Variants in CHD7 observed in about 807,000 individuals in gnomAD.
The protein encoded by CHD7 is ATP-dependent chromatin remodeler CHD7.
Under a neutral mutation model 307.3 loss-of-function variants are expected in CHD7, and 24 were observed. That is an observed-to-expected ratio of 0.08 (90% CI 0.06 to 0.11). The LOEUF (loss-of-function observed/expected upper bound fraction) is 0.11, where lower values mean the gene tolerates loss of function less well. CHD7 is among the 10% of genes least tolerant of loss of function. The pLI, the probability that CHD7 is intolerant of heterozygous loss-of-function variation, is 1.00. For missense variants in CHD7, 3,106 were observed against 3,727.1 expected (o/e 0.83, Z 4.34); for synonymous variants, 1,363 against 1,349.9 (o/e 1.01, Z -0.21).
chr8:60,855,795 T>C (rs536211558), intron 32 of CHD7, among the ~76,000 whole-genome samples, 180 bp from the exon 33 acceptor site: 1 of 152,374 alleles, frequency 6.6e-6, no homozygotes, highest in East Asian at 1.9e-4. Context: ...GCAATGCCAT[T>C]ATAGGAGATT....
chr8:60,792,461 G>C (rs1176333936), intron 3 of CHD7, among the ~76,000 whole-genome samples: 1 of 152,094 alleles, frequency 6.6e-6, no homozygotes, highest in African/African-American at 2.4e-5. Flanking sequence ...ATGCTTAGCT[G>C]TCCGTTAACA....
At chr8:60,713,558 TAGC>T (rs1807395328) in intron 1 of CHD7, among the ~76,000 whole-genome samples, 1 of 152,192 alleles carries the variant, frequency 6.6e-6, no homozygotes, top group Non-Finnish European at 1.5e-5. Context: ...AATTTGATTT[TAGC>T]AGCAATCCTA....
intron 5 of CHD7, 21 bp from the exon 6 acceptor site, chr8:60,801,507 T>C (rs1228770141): frequency 3.2e-6 from 5 of 1,547,962 alleles, no homozygotes; most frequent in Non-Finnish European, 4.4e-6. Flanking sequence ...TTTGGATTGA[T>C]GCACATGCCT....
At chr8:60,824,839 G>A (rs1177684408) in intron 13 of CHD7, 2 of 152,036 alleles carry the variant, frequency 1.3e-5, no homozygotes, top group African/African-American at 2.4e-5. Flanking sequence ...ATAACATATC[G>A]TAGGAGTAGA....
intron 2 of CHD7, among the ~76,000 whole-genome samples, chr8:60,762,499 T>C (rs1249433578): frequency 1.3e-5 from 2 of 152,330 alleles, no homozygotes; most frequent in East Asian, 3.9e-4. Context: ...ATAGCTTCTC[T>C]GTGCCTCAGT....
intron 2 of CHD7, among the ~76,000 whole-genome samples, chr8:60,769,507 T>A (rs188198567): frequency 6.6e-6 from 1 of 152,264 alleles, no homozygotes; most frequent in East Asian, 1.9e-4. Flanking sequence ...AATCAACCAT[T>A]TGAGTTTAAA....
rs1183031121 is a variant in CHD7, at chr8:60,821,804, T to C, written c.2712T>C (p.Tyr904=). 1 of 1,561,050 alleles carries C rather than the reference T, an allele frequency of 6.4e-7. No homozygotes were observed. Among genetic ancestry groups the C allele is most frequent in the Non-Finnish European group, 8.7e-7 (1 of 1,152,156 alleles). ...ATCTGGTCCAGCCTGTGACTCACTA[T>C]CTGGTGAAGTGGTGTTCACTTCCTT... is the stretch of plus-strand genomic sequence containing the variant. ...TDDRGEPVTH[Y]LVKWCSLPYE... The change falls in exon 10 of 38, where the codon TAT becomes TAC. Residue 904 remains tyrosine, a synonymous_variant. Transcript: ENST00000423902.
chr8:60,829,006 T>C (rs565520224), intron 14 of CHD7, among the ~76,000 whole-genome samples, 200 bp downstream of exon 14: 17 of 152,366 alleles, frequency 1.1e-4, no homozygotes, highest in African/African-American at 3.8e-4. Flanking sequence ...CTTTTTGCTC[T>C]TGTGAAGGGC....
At chr8:60,793,792 AG>A (rs543366887) in intron 3 of CHD7, among the ~76,000 whole-genome samples, 2 of 152,172 alleles carry the variant, frequency 1.3e-5, no homozygotes, top group Non-Finnish European at 1.5e-5. Context: ...GATTATTTTC[AG>A]TGTTGGATAA....
rs1193245061 is a variant in CHD7, at chr8:60,849,087, T to A, written c.5337T>A (p.Ala1779=). Residue 1779 remains alanine (A), a synonymous_variant, in exon 25 of 38, where the codon GCT becomes GCA. Transcript: ENST00000423902. ...ADVWIPEPFH[A]EVPADWWDKE... is the part of the protein sequence containing the mutation. ...TGTGGATCCCTGAACCTTTCCATGC[T>A]GAAGTTCCTGCAGATTGGTGGGATA... The A allele has an allele frequency of 6.2e-7, 1 of 1,613,382 alleles. No homozygotes were observed. Among genetic ancestry groups the A allele is most frequent in the Non-Finnish European group, 8.5e-7 (1 of 1,179,632 alleles).
intron 2 of CHD7, among the ~76,000 whole-genome samples, chr8:60,762,396 A>G (rs186441604): frequency 1.1e-4 from 17 of 152,212 alleles, no homozygotes; most frequent in African/African-American, 3.4e-4. Flanking sequence ...TCCTCTGCAC[A>G]CTTTGGAAGG....
At chr8:60,716,280 C>G (rs540924906) in intron 1 of CHD7, among the ~76,000 whole-genome samples, 42 of 152,370 alleles carry the variant, frequency 2.8e-4, no homozygotes, top group Non-Finnish European at 5.4e-4. Context: ...AGTCATCTCT[C>G]AGAGCCAGAG....
intron 1 of CHD7, among the ~76,000 whole-genome samples, chr8:60,737,478 A>G (rs757858762): frequency 2.0e-5 from 3 of 152,088 alleles, no homozygotes; most frequent in Non-Finnish European, 4.4e-5. Flanking sequence ...TCATCTGTTA[A>G]ATGAGGAGGG....
In CHD7 at chr8:60,735,653, A is replaced by C. The variant is rs905802405; in HGVS notation, c.-174-5606A>C. Among the ~76,000 whole-genome samples the C allele has an allele frequency of 3.3e-5, 5 of 152,358 alleles. No homozygotes were observed. The East Asian group carries it at 9.6e-4, about 29-fold the overall frequency. The stretch of plus-strand genomic sequence containing the variant: ...ATATGATATATGGAAAAAATAACAT[A>C]TATTTCATCCCAAAGGGTAGATATG... On this transcript the variant is annotated intron_variant, in intron 1 of 37. Transcript: ENST00000423902.
intron 2 of CHD7, among the ~76,000 whole-genome samples, chr8:60,750,549 C>T (rs1489817718): frequency 6.6e-6 from 1 of 152,208 alleles, no homozygotes; most frequent in Non-Finnish European, 1.5e-5. Flanking sequence ...CTGGTAACCA[C>T]ATTTTACCAT....
chr8:60,707,551 A>C (rs1053896913), intron 1 of CHD7, among the ~76,000 whole-genome samples: 2 of 152,222 alleles, frequency 1.3e-5, no homozygotes, highest in Non-Finnish European at 2.9e-5. Flanking sequence ...ATAAGAACCT[A>C]CTTTGAGGGA....
At chr8:60,835,587 A>G (rs534670697) in intron 15 of CHD7, among the ~76,000 whole-genome samples, 1 of 152,342 alleles carries the variant, frequency 6.6e-6, no homozygotes, top group South Asian at 2.1e-4. Context: ...ATTAATATGC[A>G]ATTATAGACC....
In CHD7 at chr8:60,848,561, A is replaced by G; in HGVS notation, c.5257A>G (p.Ile1753Val). The change falls in exon 24 of 38, where the codon ATA (isoleucine) becomes GTA (valine). Residue 1753 changes from isoleucine (I) to valine (V), a missense_variant. By Grantham distance (29) the Ile-to-Val change is conservative. Around this residue, in one of 10 missense-constraint regions of CHD7, gnomAD observed 1,030 missense variants for 1,165.4 expected, o/e 0.88. Coordinates refer to ENST00000423902, the MANE Select transcript of CHD7 (RefSeq NM_017780.4). The part of the protein sequence containing the change: ...RMLYYLRQEV[I>V]GDQADKILEG... ...GCTGTACTACCTAAGACAAGAAGTG[A>G]TAGGAGACCAGGCGGATAAGATCTT... is the stretch of plus-strand genomic sequence containing the variant. The G allele has an allele frequency of 6.2e-7, 1 of 1,613,764 alleles. No individual in the cohort carries two copies. The highest frequency in any genetic ancestry group is 8.5e-7 in the Non-Finnish European group (1 of 1,179,780).
intron 2 of CHD7, among the ~76,000 whole-genome samples, chr8:60,751,333 T>A (rs2150597424): frequency 6.6e-6 from 1 of 152,316 alleles, no homozygotes; most frequent in East Asian, 1.9e-4. Flanking sequence ...TCTTCTGTGC[T>A]GCCTTTTTCT....
Sources: allele counts gnomAD v4.1 joint callset (sites outside exome capture counted in the v4.1 genomes callset), GRCh38; gene constraint gnomAD v4.1.1; regional missense constraint gnomAD v4.1.1; transcripts MANE v1.5; gene names NCBI Gene and HGNC (gene_info 2026-07-23, HGNC 2026-07-21).